The following PROK2 variants were observed in gnomAD, a reference collection of about 807,000 sequenced individuals.
PROK2 encodes prokineticin-2.
PROK2 carries 8 observed loss-of-function variants against 14.2 expected under a neutral mutation model. The observed-to-expected ratio is 0.56, with a 90% CI of 0.33 to 1.02. PROK2 has a LOEUF of 1.02. PROK2 is among the 50% of genes least tolerant of loss of function. PROK2 has a pLI of 0.03. For missense variants in PROK2, 154 were observed against 160.4 expected (o/e 0.96, Z 0.22); for synonymous variants, 59 against 60.7 (o/e 0.97, Z 0.13).
chr3:71,779,770 C>G (rs1203975020), intron 2 of PROK2, among the ~76,000 whole-genome samples: 2 of 152,088 alleles, frequency 1.3e-5, no homozygotes, highest in Non-Finnish European at 2.9e-5. Context: ...CCATGCCCAG[C>G]TAATTTTTAA....
intron 2 of PROK2, among the ~76,000 whole-genome samples, chr3:71,781,025 A>G (rs578087061): frequency 1.3e-5 from 2 of 152,346 alleles, no homozygotes; most frequent in South Asian, 4.1e-4. Context: ...ATACAAGAGT[A>G]ATTGTATAAT....
rs1011166080 is a variant in PROK2 at position 71,772,439 on chromosome 3, T to A, written c.*285A>T. The A allele has an allele frequency of 5.6e-6, 2 of 354,726 alleles. No homozygotes were observed. Among genetic ancestry groups the A allele is most frequent in the Non-Finnish European group, 5.1e-6 (1 of 196,324 alleles). 22.0% of individuals were successfully genotyped at this position (354,726 alleles called of 1,614,324 possible). On this transcript the variant is annotated 3_prime_UTR_variant, in exon 4 of 4. Coordinates refer to ENST00000295619, the MANE Select transcript of PROK2 (RefSeq NM_001126128.2). ...TTTTCCTCATTTTTGTGAAAATGGG[T>A]ACGTTTTTGACATTTAAGAAAAAAG...
In PROK2 at chr3:71,781,674, C is replaced by T. The variant is rs973864700; in HGVS notation, c.97-82G>A. 8.0e-5 allele frequency: 114 copies of T among 1,426,838 alleles called. 1 individual carries two copies. The highest frequency in any genetic ancestry group is 3.3e-5 in the Non-Finnish European group (34 of 1,020,040). The allele number at this position is 1,426,838 out of a possible 1,614,324, so 88.4% of individuals were successfully genotyped here. ...GAAACCTAAAATTAGCAGTGAAATG[C>T]CCTTTAAATATCTAAACACTTGGAC... On this transcript the variant is annotated intron_variant, in intron 1 of 3. Transcript: ENST00000295619.
intron 1 of PROK2, among the ~76,000 whole-genome samples, chr3:71,784,741 CT>C (rs1170325351): frequency 6.6e-6 from 1 of 152,222 alleles, no homozygotes; most frequent in African/African-American, 2.4e-5. Context: ...ATCCTTGTCA[CT>C]GTTTCTTCCA....
rs1018699423 is a variant in PROK2, at chr3:71,772,121, G to A, written c.*603C>T. On this transcript the variant is annotated 3_prime_UTR_variant, in exon 4 of 4. Coordinates refer to ENST00000295619, the MANE Select transcript of PROK2 (RefSeq NM_001126128.2). ...GCTTCCGTGCCATGACAGGAGTTTG[G>A]AGTGTCAAGTTCACATATACACTCT... is the stretch of plus-strand genomic sequence containing the variant. The A allele has an allele frequency of 6.5e-6, 1 of 154,432 alleles. No individual in the cohort carries two copies. Among genetic ancestry groups the A allele is most frequent in the Non-Finnish European group, 1.4e-5 (1 of 69,592 alleles). The allele number at this position is 154,432 out of a possible 1,614,324, so 9.6% of individuals were successfully genotyped here.
intron 3 of PROK2, 109 bp downstream of exon 3, chr3:71,774,336 G>C (rs997617144): frequency 6.6e-7 from 1 of 1,522,616 alleles, no homozygotes; most frequent in African/African-American, 1.4e-5. Flanking sequence ...CTAATCTTAT[G>C]TTGGGGCTGA....
chr3:71,781,383 G>A (rs948361947), intron 2 of PROK2, 84 bp downstream of exon 2: 14 of 1,530,266 alleles, frequency 9.1e-6, no homozygotes, highest in South Asian at 4.5e-5. Flanking sequence ...TGTCGAGCAC[G>A]TTACCCAGTC....
intron 2 of PROK2, 49 bp from the exon 3 acceptor site, chr3:71,774,556 A>AAAAG: frequency 6.5e-7 from 1 of 1,542,454 alleles, no homozygotes; most frequent in Non-Finnish European, 8.7e-7. Context: ...AAAGGGAAGA[A>AAAAG]AAAGAGGCAA....
chr3:71,771,766 C>T lies in PROK2; in HGVS notation c.*958G>A, dbSNP rs1207526496. 6.6e-6 allele frequency: 1 copy of T among 152,564 alleles called. No homozygotes were observed. Among genetic ancestry groups the T allele is most frequent in the African/African-American group, 2.4e-5 (1 of 41,416 alleles). 9.5% of individuals were successfully genotyped at this position (152,564 alleles called of 1,614,324 possible). On this transcript the variant is annotated 3_prime_UTR_variant, in exon 4 of 4. Coordinates refer to ENST00000295619, the MANE Select transcript of PROK2 (RefSeq NM_001126128.2). Reference sequence around the variant, plus strand: ...ACTGATACAGGTACAAACGGCAATCCATTACAATCGACCTTTCAGTTACAA... The same window carrying T: ...ACTGATACAGGTACAAACGGCAATCTATTACAATCGACCTTTCAGTTACAA...
rs534074181 is a variant in PROK2 at position 71,774,586 on chromosome 3, T to C, written c.223-79A>G. The C allele has an allele frequency of 1.7e-4, 257 of 1,499,050 alleles. 1 individual carries two copies. In the African/African-American group the frequency reaches 3.3e-3, roughly 19 times the overall value. The allele number at this position is 1,499,050 out of a possible 1,614,324, so 92.9% of individuals were successfully genotyped here. A position where few individuals can be genotyped will look rare whatever the true frequency, so the allele number is the denominator to read the frequency against. ...AGGCAATGGGAGGGCAGGGTATGCA[T>C]GTAGTGAACTGGCGGAGCAAGATAC... On this transcript the variant is annotated intron_variant, in intron 2 of 3. Transcript: ENST00000295619.
At chr3:71,778,389 T>C (rs1009023233) in intron 2 of PROK2, among the ~76,000 whole-genome samples, 4 of 152,078 alleles carry the variant, frequency 2.6e-5, no homozygotes, top group African/African-American at 9.7e-5. Context: ...ACTATACAAT[T>C]ATAAAACAAT....
chr3:71,781,857 T>A (rs554390943), intron 1 of PROK2, among the ~76,000 whole-genome samples: 2 of 152,232 alleles, frequency 1.3e-5, no homozygotes, highest in South Asian at 2.1e-4. Context: ...GATTTTTTTT[T>A]AAATGAAATC....
intron 1 of PROK2, among the ~76,000 whole-genome samples, chr3:71,782,142 A>C (rs2050165484): frequency 6.6e-6 from 1 of 152,220 alleles, no homozygotes; most frequent in Admixed American, 6.5e-5. Context: ...TTGGTTCAAG[A>C]GACTTGACGT....
chr3:71,776,827 C>T (rs921865249), intron 2 of PROK2, among the ~76,000 whole-genome samples: 2 of 152,172 alleles, frequency 1.3e-5, no homozygotes, highest in Non-Finnish European at 2.9e-5. Context: ...ACAGAAGATG[C>T]ACACTGGAAC....
At chr3:71,783,892 C>G (rs2050189614) in intron 1 of PROK2, among the ~76,000 whole-genome samples, 1 of 152,142 alleles carries the variant, frequency 6.6e-6, no homozygotes, top group African/African-American at 2.4e-5. Context: ...AAAGGACTTT[C>G]AAAATTCTAT....
At chr3:71,776,734 G>A (rs1468163003) in intron 2 of PROK2, among the ~76,000 whole-genome samples, 2 of 151,980 alleles carry the variant, frequency 1.3e-5, no homozygotes, top group Non-Finnish European at 2.9e-5. Context: ...TTTCTTGACT[G>A]GCCCACTCAC....
intron 2 of PROK2, among the ~76,000 whole-genome samples, chr3:71,780,516 A>C (rs1414229499): frequency 1.3e-5 from 2 of 152,250 alleles, no homozygotes; most frequent in Non-Finnish European, 2.9e-5. Context: ...TGTAGAAAGA[A>C]CATTCTAAAG....
rs1320532622 is a variant in PROK2 at position 71,771,815 on chromosome 3, T to C, written c.*909A>G. 6.6e-6 allele frequency: 1 copy of C among 152,666 alleles called. No individual in the cohort carries two copies. Among genetic ancestry groups the C allele is most frequent in the African/African-American group, 2.4e-5 (1 of 41,452 alleles). The allele number at this position is 152,666 out of a possible 1,614,324, so 9.5% of individuals were successfully genotyped here. On this transcript the variant is annotated 3_prime_UTR_variant, in exon 4 of 4. Transcript: ENST00000295619. ...AAACAAGGTTTAAATTACAACTTAA[T>C]ACTGCTTTAAAAATGGTAATTAGTG...
Position 71,772,421 on chromosome 3 carries a change from C to A in PROK2, c.*303G>T, listed in dbSNP as rs1037407808. Reference sequence around the variant, plus strand: ...CAAAATATCAAATTCTTATTTTCCTCATTTTTGTGAAAATGGGTACGTTTT... The same window carrying A: ...CAAAATATCAAATTCTTATTTTCCTAATTTTTGTGAAAATGGGTACGTTTT... On this transcript the variant is annotated 3_prime_UTR_variant, in exon 4 of 4. Transcript: ENST00000295619. 3 of 316,674 alleles carry A rather than the reference C, an allele frequency of 9.5e-6. No homozygotes were observed. The highest frequency in any genetic ancestry group is 6.6e-5 in the African/African-American group (3 of 45,534). 19.6% of individuals were successfully genotyped at this position (316,674 alleles called of 1,614,324 possible). A position where few individuals can be genotyped will look rare whatever the true frequency, so the allele number is the denominator to read the frequency against.
Sources: gnomAD v4.1 joint callset for allele counts (sites outside exome capture counted in the v4.1 genomes callset) on GRCh38, gnomAD v4.1.1 for gene constraint, MANE v1.5 for transcripts, NCBI Gene and HGNC (gene_info 2026-07-23, HGNC 2026-07-21) for gene names.